PTPN9: variants seen among roughly 807,000 people sequenced by gnomAD.
The protein encoded by PTPN9 is tyrosine-protein phosphatase non-receptor type 9.
A neutral mutation model predicts 69.8 loss-of-function variants in PTPN9; 26 were observed. That is an observed-to-expected ratio of 0.37 (90% CI 0.27 to 0.52). The LOEUF (loss-of-function observed/expected upper bound fraction) is 0.52, where lower values mean the gene tolerates loss of function less well. Ranked by LOEUF, PTPN9 falls within the 20% of genes least tolerant of loss-of-function variation. The pLI, the probability that PTPN9 is intolerant of heterozygous loss-of-function variation, is 0.91. For missense variants in PTPN9, 549 were observed against 740.3 expected (o/e 0.74, Z 3.00); for synonymous variants, 274 against 272.5 (o/e 1.01, Z -0.05).
chr15:75,508,039 CAAAA>C (rs990909256), intron 6 of PTPN9, among the ~76,000 whole-genome samples: 1 of 37,380 alleles, frequency 2.7e-5, no homozygotes, highest in Non-Finnish European at 4.9e-5. Context: ...GAGACACTCT[CAAAA>C]AAAAAAAAAA....
In PTPN9 at chr15:75,464,966, C is replaced by T. The variant is rs1369341131; in HGVS notation, c.*3803G>A. On this transcript the variant is annotated 3_prime_UTR_variant, in exon 13 of 13. Coordinates refer to ENST00000618819, the MANE Select transcript of PTPN9 (RefSeq NM_002833.4). The stretch of plus-strand genomic sequence containing the variant: ...GAAGGGAGCAATGGGAAAAAGGACA[C>T]AGGGATTATCTCATGTTTGAAAAAT... 1 of 152,106 alleles carries T rather than the reference C, an allele frequency of 6.6e-6. No individual in the cohort carries two copies. The highest frequency in any genetic ancestry group is 1.5e-5 in the Non-Finnish European group (1 of 68,028). The allele number at this position is 152,106 out of a possible 1,614,324, so 9.4% of individuals were successfully genotyped here.
At chr15:75,566,449 A>C (rs2075126756) in intron 1 of PTPN9, among the ~76,000 whole-genome samples, 1 of 152,168 alleles carries the variant, frequency 6.6e-6, no homozygotes, top group Non-Finnish European at 1.5e-5. Flanking sequence ...TGGGAGGCCG[A>C]GGTGGGCAGA....
In PTPN9 at chr15:75,480,733, G is replaced by A. The variant is rs1473942994; in HGVS notation, c.1063-819C>T. 20 of 1,301,640 alleles carry A rather than the reference G, an allele frequency of 1.5e-5. No homozygotes were observed. The African/African-American group carries it at 1.9e-4, about 12-fold the overall frequency. 80.6% of individuals were successfully genotyped at this position (1,301,640 alleles called of 1,614,324 possible). A position where few individuals can be genotyped will look rare whatever the true frequency, so the allele number is the denominator to read the frequency against. ...CAGCCGGGAGGATGGAGTTCAGCGG[G>A]CAGCGGAGCTGTCTCAGTCTTTGCC... On this transcript the variant is annotated intron_variant, in intron 8 of 12. Transcript: ENST00000618819.
intron 1 of PTPN9, among the ~76,000 whole-genome samples, chr15:75,568,809 C>T (rs2075137153): frequency 6.6e-6 from 1 of 152,068 alleles, no homozygotes; most frequent in Non-Finnish European, 1.5e-5. Context: ...TGCACTTCAG[C>T]CTGGGCAACA....
chr15:75,507,088 A>C (rs770533396), intron 6 of PTPN9, among the ~76,000 whole-genome samples: 4 of 152,222 alleles, frequency 2.6e-5, no homozygotes, highest in African/African-American at 4.8e-5. Flanking sequence ...ACATGCATGT[A>C]TAATTCCTAT....
chr15:75,527,058 G>A (rs545644039), intron 2 of PTPN9, 60 bp downstream of exon 2: 17 of 1,591,000 alleles, frequency 1.1e-5, no homozygotes, highest in Middle Eastern at 1.7e-4. Flanking sequence ...GAGCATGACA[G>A]GGACAACAGC....
At position 75,578,705 on chromosome 15, in the gene PTPN9, C is replaced by A. The variant is rs1254342241; in HGVS notation, c.63+9G>T. 2 of 1,370,384 alleles carry A rather than the reference C, an allele frequency of 1.5e-6. No homozygotes were observed. The highest frequency in any genetic ancestry group is 3.0e-5 in the Admixed American group (1 of 33,708). The allele number at this position is 1,370,384 out of a possible 1,614,324, so 84.9% of individuals were successfully genotyped here. On this transcript the variant is annotated intron_variant, in intron 1 of 12. Transcript: ENST00000618819. ...ACACACCCAACGCGGCGGCCTCGGG[C>A]CCGCTTACCTGCTCCTCCTCCGGGG...
chr15:75,522,553 G>A (rs942271730), intron 4 of PTPN9, among the ~76,000 whole-genome samples: 3 of 151,810 alleles, frequency 2.0e-5, no homozygotes, highest in South Asian at 2.1e-4. Context: ...AAAGGTGCAC[G>A]CTACCACACC....
In PTPN9 at chr15:75,480,762, G is replaced by T. The variant is rs867685134; in HGVS notation, c.1063-848C>A. ...CGGAGCTGTCTCAGTCTTTGCCGCC[G>T]CGCCGGCGAGCGCCGCCCGCGAGGC... is the stretch of plus-strand genomic sequence containing the variant. On this transcript the variant is annotated intron_variant, in intron 8 of 12. Transcript: ENST00000618819. The T allele has an allele frequency of 1.2e-5, 14 of 1,177,254 alleles. No individual in the cohort carries two copies. The Middle Eastern group carries it at 2.1e-3, about 173-fold the overall frequency. The allele number at this position is 1,177,254 out of a possible 1,614,324, so 72.9% of individuals were successfully genotyped here. A position where few individuals can be genotyped will look rare whatever the true frequency, so the allele number is the denominator to read the frequency against.
At chr15:75,501,728 G>C (rs922671858) in intron 7 of PTPN9, among the ~76,000 whole-genome samples, 3 of 151,962 alleles carry the variant, frequency 2.0e-5, no homozygotes, top group African/African-American at 7.3e-5. Flanking sequence ...CAAAGTGCTG[G>C]GATTATAGGC....
intron 7 of PTPN9, among the ~76,000 whole-genome samples, chr15:75,498,182 G>A (rs529338564): frequency 2.6e-5 from 4 of 151,902 alleles, no homozygotes; most frequent in African/African-American, 4.8e-5. Context: ...GCGACAGAGC[G>A]AGACCACATC....
chr15:75,554,026 T>C (rs974174289), intron 1 of PTPN9, among the ~76,000 whole-genome samples: 2 of 134,002 alleles, frequency 1.5e-5, no homozygotes, highest in Admixed American at 1.5e-4. Flanking sequence ...TTTTTTTTGA[T>C]TTTTTTTAAG....
intron 4 of PTPN9, among the ~76,000 whole-genome samples, chr15:75,522,745 G>A (rs189599877): frequency 1.9e-4 from 29 of 152,184 alleles, no homozygotes; most frequent in Admixed American, 4.6e-4. Context: ...TGAACTAAAC[G>A]GCATTATTCC....
At chr15:75,562,142 T>C (rs1333447534) in intron 1 of PTPN9, among the ~76,000 whole-genome samples, 1 of 152,174 alleles carries the variant, frequency 6.6e-6, no homozygotes, top group Admixed American at 6.6e-5. Context: ...CATGACCCAC[T>C]GCGCCTGGCC....
At position 75,578,892 on chromosome 15, in the gene PTPN9, A is replaced by C. The variant is rs1223267526; in HGVS notation, c.-116T>G. The C allele has an allele frequency of 1.5e-6, 1 of 665,134 alleles. No individual in the cohort carries two copies. The highest frequency in any genetic ancestry group is 2.0e-6 in the Non-Finnish European group (1 of 492,104). The allele number at this position is 665,134 out of a possible 1,614,324, so 41.2% of individuals were successfully genotyped here. On this transcript the variant is annotated 5_prime_UTR_variant, in exon 1 of 13. Transcript: ENST00000618819. ...AGCAGCCCGGGGCCGGCTCGCGCAT[A>C]GTGTGGCCGGCAGGGCCCGGCGCCT...
At chr15:75,569,296 A>T (rs2075138887) in intron 1 of PTPN9, among the ~76,000 whole-genome samples, 1 of 152,216 alleles carries the variant, frequency 6.6e-6, no homozygotes, top group Non-Finnish European at 1.5e-5. Context: ...TTTAGAAAAT[A>T]AAGTTTAAGT....
At chr15:75,532,577 G>A (rs2141325823) in intron 1 of PTPN9, among the ~76,000 whole-genome samples, 1 of 152,304 alleles carries the variant, frequency 6.6e-6, no homozygotes, top group East Asian at 1.9e-4. Flanking sequence ...GCCTTGAGCT[G>A]ACCTCTGTCC....
intron 3 of PTPN9, 118 bp from the exon 4 acceptor site, chr15:75,523,363 T>G: frequency 8.7e-7 from 1 of 1,154,896 alleles, no homozygotes; most frequent in South Asian, 1.6e-5. Flanking sequence ...TAACAATAAT[T>G]CCCTGACTTC....
chr15:75,538,047 A>G (rs952991400), intron 1 of PTPN9, among the ~76,000 whole-genome samples: 1 of 152,100 alleles, frequency 6.6e-6, no homozygotes, highest in African/African-American at 2.4e-5. Flanking sequence ...AGAGAGAGCA[A>G]GACTTTGTCT....
Sources: gnomAD v4.1 joint callset for allele counts (sites outside exome capture counted in the v4.1 genomes callset) on GRCh38, gnomAD v4.1.1 for gene constraint, MANE v1.5 for transcripts, NCBI Gene and HGNC (gene_info 2026-07-23, HGNC 2026-07-21) for gene names.